The following ISM2 variants were observed in gnomAD, a reference collection of about 807,000 sequenced individuals.
The protein encoded by ISM2 is isthmin-2.
A neutral mutation model predicts 58.0 loss-of-function variants in ISM2; 50 were observed. The observed-to-expected ratio is 0.86, with a 90% CI of 0.69 to 1.09. ISM2 has a LOEUF of 1.09. Ranked by LOEUF, ISM2 falls within the 50% of genes least tolerant of loss-of-function variation. The probability of loss-of-function intolerance (pLI) is 0.00; values close to 1 mark genes in which losing one functional copy is unlikely to be tolerated. For synonymous variants in ISM2, 303 were observed against 312.4 expected (o/e 0.97, Z 0.32); for missense variants, 723 against 745.0 (o/e 0.97, Z 0.34).
At chr14:77,489,702 C>CA (rs768590353) in intron 1 of ISM2, among the ~76,000 whole-genome samples, 1 of 152,154 alleles carries the variant, frequency 6.6e-6, no homozygotes, top group Non-Finnish European at 1.5e-5. Flanking sequence ...GCGGAGGCTG[C>CA]AAAGCTCCTC....
chr14:77,484,211 C>G, intron 3 of ISM2, 112 bp downstream of exon 3: 3 of 1,406,716 alleles, frequency 2.1e-6, no homozygotes, highest in Non-Finnish European at 2.9e-6. Flanking sequence ...TGACCCCACA[C>G]AGCAGCCCCA....
intron 4 of ISM2, among the ~76,000 whole-genome samples, chr14:77,479,962 G>A (rs2079121766): frequency 6.6e-6 from 1 of 152,156 alleles, no homozygotes; most frequent in Admixed American, 6.5e-5. Flanking sequence ...CCTGGCCTGA[G>A]CTATAGTTTC....
chr14:77,475,738 A>C lies in ISM2; in HGVS notation c.1573T>G (p.Phe525Val). 1 of 1,613,208 alleles carries C rather than the reference A, an allele frequency of 6.2e-7. No individual in the cohort carries two copies. Among genetic ancestry groups the C allele is most frequent in the South Asian group, 1.1e-5 (1 of 91,026 alleles). The part of the protein sequence containing the change: ...TDFSPKLHFK[F>V]DTTPWILCKG... ...CACAGGATCCAGGGCGTCGTGTCGA[A>C]CTTGAAGTGCAGCTTAGGTGAGAAG... Residue 525 changes from phenylalanine to valine, a missense_variant, in exon 7 of 7, where the codon TTC (phenylalanine) becomes GTC (valine). Physicochemically the swap from Phe to Val is conservative, Grantham distance 50. Coordinates refer to ENST00000342219, the MANE Select transcript of ISM2 (RefSeq NM_199296.3). This position sits in a 1 kb window ranked among gnomAD's most constrained non-coding sequence, Gnocchi z 4.1.
At chr14:77,476,596 T>A (rs143706264) in intron 6 of ISM2, among the ~76,000 whole-genome samples, 104 of 152,312 alleles carry the variant, frequency 6.8e-4, no homozygotes, top group African/African-American at 2.5e-3. Context: ...ACTTTGGGCC[T>A]CCTGTGGCCC....
intron 1 of ISM2, among the ~76,000 whole-genome samples, chr14:77,488,139 GA>G (rs1280047416): frequency 6.6e-6 from 1 of 152,206 alleles, no homozygotes; most frequent in Non-Finnish European, 1.5e-5. Context: ...GTGCAGACAG[GA>G]ATTGTGTCTG....
In ISM2 at chr14:77,477,951, C is replaced by T. The variant is rs140199594; in HGVS notation, c.1198+291G>A. Among the ~76,000 whole-genome samples the T allele has an allele frequency of 2.7e-3, 407 of 152,274 alleles. 2 individuals are homozygous for T. Among genetic ancestry groups the T allele is most frequent in the Middle Eastern group, 0.017 (5 of 294 alleles). On this transcript the variant is annotated intron_variant, in intron 6 of 6. Coordinates refer to ENST00000342219, the MANE Select transcript of ISM2 (RefSeq NM_199296.3). ...AGTAACCAAGGAATGGAAGTCAGAACGTCCCCACCCTATCCTGCTGCCAGG... is the reference window on the plus strand; with the variant it reads ...AGTAACCAAGGAATGGAAGTCAGAATGTCCCCACCCTATCCTGCTGCCAGG...
In ISM2 at chr14:77,482,557, C is replaced by T. The variant is rs1678450222; in HGVS notation, c.738G>A (p.Trp246Ter). The T allele has an allele frequency of 1.2e-6, 2 of 1,613,882 alleles. No homozygotes were observed. The highest frequency in any genetic ancestry group is 1.3e-5 in the African/African-American group (1 of 74,928). Residue 246 changes from tryptophan to a stop codon, truncating the protein, a stop_gained, in exon 4 of 7, where the codon TGG becomes TGA. Transcript: ENST00000342219. LOFTEE classifies it high-confidence loss of function. ...QDTLSWLPAL[W>*]SFLWGDYKGE... ...CTTTGTAGTCTCCCCAGAGGAAGGA[C>T]CAGAGGGCGGGCAGCCAGCTAAGGG... is the stretch of plus-strand genomic sequence containing the variant.
intron 1 of ISM2, among the ~76,000 whole-genome samples, chr14:77,489,606 T>C (rs924887166): frequency 6.6e-6 from 1 of 152,110 alleles, no homozygotes; most frequent in Non-Finnish European, 1.5e-5. Flanking sequence ...TCGATATTCC[T>C]GGGCTCAAAT....
chr14:77,497,757 GGGAGGGAGGGAGGGAA>G (rs1408661199), intron 1 of ISM2, among the ~76,000 whole-genome samples: 9 of 94,224 alleles, frequency 9.6e-5, no homozygotes, highest in Middle Eastern at 4.0e-3. Context: ...GAGGGAGGGA[GGGAGGGAGGGAGGGAA>G]GGAAGGAAGG....
At chr14:77,495,299 C>T (rs1047216726) in intron 1 of ISM2, among the ~76,000 whole-genome samples, 1 of 152,154 alleles carries the variant, frequency 6.6e-6, no homozygotes, top group African/African-American at 2.4e-5. Flanking sequence ...TTCATTGTGG[C>T]ACTAATTTGT....
At chr14:77,478,506 C>T (rs2079111895) in intron 5 of ISM2, 69 bp downstream of exon 5, 5 of 1,572,066 alleles carry the variant, frequency 3.2e-6, no homozygotes, top group Non-Finnish European at 4.3e-6. Context: ...CACCCACATT[C>T]CCAGGGGACC....
rs1335432344 is a variant in ISM2 at position 77,498,746 on chromosome 14, C to CA, written c.47dup (p.Leu17AlafsTer39). On this transcript the variant is annotated frameshift_variant, in exon 1 of 7. Transcript: ENST00000342219. LOFTEE classifies it high-confidence loss of function. The stretch of plus-strand genomic sequence containing the variant: ...GCGCCGCCTCCAGCAGCGCCGCCAG[C>CA]AGCAGCACGCAGAGGAGGAGCCCGG... The CA allele has an allele frequency of 2.7e-6, 4 of 1,481,494 alleles. No individual in the cohort carries two copies. The highest frequency in any genetic ancestry group is 2.7e-6 in the Non-Finnish European group (3 of 1,124,666). The allele number at this position is 1,481,494 out of a possible 1,614,324, so 91.8% of individuals were successfully genotyped here.
At chr14:77,486,431 T>C (rs2079168302) in intron 1 of ISM2, among the ~76,000 whole-genome samples, 1 of 152,240 alleles carries the variant, frequency 6.6e-6, no homozygotes, top group Non-Finnish European at 1.5e-5. Flanking sequence ...TGGAGTCTCT[T>C]GCTGAGTCAA....
At chr14:77,479,781 C>T (rs2079120933) in intron 4 of ISM2, among the ~76,000 whole-genome samples, 1 of 152,176 alleles carries the variant, frequency 6.6e-6, no homozygotes, top group Non-Finnish European at 1.5e-5. Context: ...TCCCAAAGTA[C>T]TGGGATTACA....
rs2139969343 is a variant in ISM2, at chr14:77,490,475, C to A, written c.142-5556G>T. ...CACTTTAGGTAGGTGTGAGCATCAT[C>A]TTCACTTCATAGACAATGCAGCCAA... On this transcript the variant is annotated intron_variant, in intron 1 of 6. Transcript: ENST00000342219. 2.0e-5 allele frequency among the ~76,000 whole-genome samples: 3 copies of A among 152,368 alleles called. No homozygotes were observed. In the South Asian group the frequency reaches 6.2e-4, roughly 32 times the overall value.
chr14:77,498,740 C>A lies in ISM2; in HGVS notation c.54G>T (p.Ala18=). The part of the protein sequence containing the change: ...AGLLLCVLLL[A]ALLEAALGLP... ...GCCCTAGCGCCGCCTCCAGCAGCGC[C>A]GCCAGCAGCAGCACGCAGAGGAGGA... The change falls in exon 1 of 7, where the codon GCG becomes GCT. Residue 18 remains alanine, a synonymous_variant. Transcript: ENST00000342219. 1 of 1,481,476 alleles carries A rather than the reference C, an allele frequency of 6.8e-7. No individual in the cohort carries two copies. The allele number at this position is 1,481,476 out of a possible 1,614,324, so 91.8% of individuals were successfully genotyped here.
intron 3 of ISM2, chr14:77,482,880 G>C (rs756880600): frequency 1.4e-5 from 7 of 483,982 alleles, no homozygotes; most frequent in Non-Finnish European, 2.5e-5. Context: ...AGAATCACCT[G>C]GGGACTCCTA....
intron 1 of ISM2, 184 bp downstream of exon 1, chr14:77,498,469 C>T: frequency 1.7e-6 from 2 of 1,173,784 alleles, no homozygotes; most frequent in Non-Finnish European, 2.4e-6. Flanking sequence ...GTGGAAGCCC[C>T]GAAGTCCGGC....
chr14:77,496,851 G>C (rs1038057115), intron 1 of ISM2, among the ~76,000 whole-genome samples: 2 of 143,092 alleles, frequency 1.4e-5, no homozygotes, highest in Non-Finnish European at 3.0e-5. Flanking sequence ...TGGGGAGTGG[G>C]GACAGGAAAA....
Sources: allele counts gnomAD v4.1 joint callset (sites outside exome capture counted in the v4.1 genomes callset), GRCh38; gene constraint gnomAD v4.1.1; non-coding constraint Gnocchi (gnomAD v3.1); transcripts MANE v1.5; gene names NCBI Gene and HGNC (gene_info 2026-07-23, HGNC 2026-07-21).